Variants in SLC14A2 observed in about 807,000 individuals in gnomAD.
SLC14A2 encodes urea transporter 2.
A neutral mutation model predicts 104.6 loss-of-function variants in SLC14A2; 91 were observed. That is an observed-to-expected ratio of 0.87 (90% CI 0.73 to 1.04). SLC14A2 has a LOEUF of 1.04. SLC14A2 is among the 50% of genes least tolerant of loss of function. SLC14A2 has a pLI of 0.00. For synonymous variants in SLC14A2, 476 were observed against 466.4 expected (o/e 1.02, Z -0.27); for missense variants, 1,189 against 1,156.0 (o/e 1.03, Z -0.41).
intron 1 of SLC14A2, among the ~76,000 whole-genome samples, chr18:45,470,819 A>G (rs1598870950): frequency 6.6e-6 from 1 of 152,128 alleles, no homozygotes; most frequent in East Asian, 1.9e-4. Context: ...TATACTTTTT[A>G]ATAAACATTT....
At chr18:45,527,897 A>G (rs2043619239) in intron 2 of SLC14A2, 2 of 152,218 alleles carry the variant, frequency 1.3e-5, no homozygotes, top group African/African-American at 4.8e-5. Flanking sequence ...CTTTCCAAGA[A>G]AAAAAGACCT....
At chr18:45,392,594 T>TA (rs1214340034) in intron 1 of SLC14A2, among the ~76,000 whole-genome samples, 1 of 152,216 alleles carries the variant, frequency 6.6e-6, no homozygotes, top group African/African-American at 2.4e-5. Flanking sequence ...TCTAAAATGG[T>TA]AAAATAAGCT....
At chr18:45,525,973 G>C (rs1046083617) in intron 2 of SLC14A2, among the ~76,000 whole-genome samples, 2 of 152,156 alleles carry the variant, frequency 1.3e-5, no homozygotes, top group African/African-American at 2.4e-5. Flanking sequence ...GTAGCTCAAA[G>C]GGTATTTGTA....
chr18:45,552,804 C>G (rs975395944), intron 2 of SLC14A2, among the ~76,000 whole-genome samples: 5 of 152,160 alleles, frequency 3.3e-5, no homozygotes, highest in Admixed American at 1.3e-4. Flanking sequence ...GTTTGAGGAA[C>G]AGCAGGGATC....
At chr18:45,543,467 A>C (rs1203483752) in intron 2 of SLC14A2, among the ~76,000 whole-genome samples, 2 of 152,186 alleles carry the variant, frequency 1.3e-5, no homozygotes, top group African/African-American at 4.8e-5. Flanking sequence ...ACTACAATAC[A>C]AACTGTTCAT....
chr18:45,351,157 GA>G (rs1353100874), intron 1 of SLC14A2, among the ~76,000 whole-genome samples: 5 of 152,068 alleles, frequency 3.3e-5, no homozygotes, highest in Non-Finnish European at 7.3e-5. Context: ...CCAATTGCTG[GA>G]AACATAATCA....
chr18:45,381,321 A>T (rs2144381860), intron 1 of SLC14A2, among the ~76,000 whole-genome samples: 1 of 152,352 alleles, frequency 6.6e-6, no homozygotes, highest in South Asian at 2.1e-4. Context: ...GAATTAAAAC[A>T]TCATGGGATA....
intron 1 of SLC14A2, among the ~76,000 whole-genome samples, chr18:45,475,619 G>GAGAT (rs1555693743): frequency 1.5e-5 from 1 of 68,274 alleles, no homozygotes; most frequent in African/African-American, 5.2e-5. Flanking sequence ...ATATATTTAG[G>GAGAT]ATATATATAT....
chr18:45,500,730 C>T (rs1269810895), intron 2 of SLC14A2, among the ~76,000 whole-genome samples: 1 of 152,124 alleles, frequency 6.6e-6, no homozygotes, highest in Non-Finnish European at 1.5e-5. Flanking sequence ...TTCACTGCAC[C>T]CAGCCAAGAC....
At chr18:45,614,169 G>A (rs1444066523), upstream of SLC14A2, among the ~76,000 whole-genome samples, 1 of 152,218 alleles carries the variant, frequency 6.6e-6, no homozygotes, top group African/African-American at 2.4e-5. Flanking sequence ...TGCTTCAGAG[G>A]GTGCAAGCCT....
chr18:45,206,734 G>A, the SLC14A2 span, among the ~76,000 whole-genome samples: 1 of 152,128 alleles, frequency 6.6e-6, no homozygotes, highest in African/African-American at 2.4e-5. Context: ...GTACTAGTTT[G>A]GGGAGTTCTG....
Position 45,281,595 on chromosome 18 carries a change from G to A in SLC14A2, c.-125+68404G>A, listed in dbSNP as rs780803606. On this transcript the variant is annotated intron_variant, in intron 1 of 20. Transcript: ENST00000586448. Reference sequence around the variant, plus strand: ...CTGTCAGTTGAAATATGTTGAGAACGGTTGTCATCATTCTCTCTCTCCTCT... The same window carrying A: ...CTGTCAGTTGAAATATGTTGAGAACAGTTGTCATCATTCTCTCTCTCCTCT... 8.5e-5 allele frequency among the ~76,000 whole-genome samples: 13 copies of A among 152,108 alleles called. 1 individual carries two copies. The highest frequency in any genetic ancestry group is 6.2e-4 in the South Asian group (3 of 4,822).
chr18:45,224,190 A>G (rs1237085136), intron 1 of SLC14A2, among the ~76,000 whole-genome samples: 1 of 152,228 alleles, frequency 6.6e-6, no homozygotes, highest in African/African-American at 2.4e-5. Context: ...CCTAGAGCCC[A>G]CTGCCATGGC....
At chr18:45,240,650 G>T (rs57981952) in intron 1 of SLC14A2, among the ~76,000 whole-genome samples, 43,091 of 143,548 alleles carry the variant, frequency 0.3, 6,576 homozygotes, top group African/African-American at 0.42. Context: ...TGTTTTTTTT[G>T]TTTTTGTTTT....
At chr18:45,187,633 C>T in the SLC14A2 span, among the ~76,000 whole-genome samples, 1 of 152,014 alleles carries the variant, frequency 6.6e-6, no homozygotes, top group Admixed American at 6.6e-5. Flanking sequence ...TGCCAAGAGC[C>T]CCCAAGAAGG....
chr18:45,299,992 G>A (rs1343017201), intron 1 of SLC14A2, among the ~76,000 whole-genome samples: 1 of 152,112 alleles, frequency 6.6e-6, no homozygotes, highest in East Asian at 1.9e-4. Context: ...TAGGTTTGTG[G>A]TTTCACCTTA....
In SLC14A2 at chr18:45,624,616, T is replaced by G; in HGVS notation, c.-34-15T>G. On this transcript the variant is annotated splice_polypyrimidine_tract_variant and intron_variant, in intron 1 of 19. Coordinates refer to ENST00000255226, the MANE Select transcript of SLC14A2 (RefSeq NM_007163.4). ...CGTCCTGACTCACTAGCTCTTTCCC[T>G]TTCCTTCCGTCTAGTCCATCGATAG... 1.3e-6 allele frequency: 2 copies of G among 1,569,300 alleles called. No homozygotes were observed. The highest frequency in any genetic ancestry group is 2.4e-5 in the South Asian group (2 of 83,368).
intron 1 of SLC14A2, among the ~76,000 whole-genome samples, chr18:45,477,129 G>C (rs2087396840): frequency 6.6e-6 from 1 of 152,106 alleles, no homozygotes; most frequent in Non-Finnish European, 1.5e-5. Context: ...ATCTACTTTT[G>C]GTCTTTGATG....
intron 2 of SLC14A2, among the ~76,000 whole-genome samples, chr18:45,568,501 C>A (rs2044298974): frequency 6.6e-6 from 1 of 152,222 alleles, no homozygotes; most frequent in Admixed American, 6.5e-5. Context: ...TTGTGATGGG[C>A]AGAGCCACGA....
Sources: gnomAD v4.1 joint callset for allele counts (sites outside exome capture counted in the v4.1 genomes callset) on GRCh38, gnomAD v4.1.1 for gene constraint, MANE v1.5 for transcripts, NCBI Gene and HGNC (gene_info 2026-07-23, HGNC 2026-07-21) for gene names.